The following RPTOR variants were observed in gnomAD, a reference collection of about 807,000 sequenced individuals.
RPTOR encodes the protein regulatory-associated protein of mTOR.
A neutral mutation model predicts 169.9 loss-of-function variants in RPTOR; 21 were observed. The ratio of observed to expected loss-of-function variants is 0.12; its 90% confidence interval spans 0.09 to 0.18. The LOEUF (loss-of-function observed/expected upper bound fraction) is 0.18. Ranked by LOEUF, RPTOR falls within the 10% of genes least tolerant of loss-of-function variation. The pLI, the probability that RPTOR is intolerant of heterozygous loss-of-function variation, is 1.00. For synonymous variants in RPTOR, 732 were observed against 753.2 expected (o/e 0.97, Z 0.46); for missense variants, 1,133 against 1,855.9 (o/e 0.61, Z 7.16).
intron 10 of RPTOR, among the ~76,000 whole-genome samples, chr17:80,842,044 G>A (rs111492191): frequency 0.045 from 6,818 of 151,564 alleles, 174 homozygotes; most frequent in East Asian, 0.11. Flanking sequence ...CTCACCACAC[G>A]GCAGCTCACA....
chr17:80,850,488 G>A (rs377737913), intron 11 of RPTOR, among the ~76,000 whole-genome samples: 94 of 152,250 alleles, frequency 6.2e-4, no homozygotes, highest in African/African-American at 2.0e-3. Context: ...CACTGCAGCC[G>A]GAGCTCCGCC....
chr17:80,600,893 G>A (rs2065180562), intron 1 of RPTOR, among the ~76,000 whole-genome samples: 1 of 76,632 alleles, frequency 1.3e-5, no homozygotes, highest in African/African-American at 4.6e-5. Context: ...ACTGTGAAAC[G>A]CCTCCCAAGA....
At chr17:80,770,918 C>A (rs1441277194) in intron 6 of RPTOR, among the ~76,000 whole-genome samples, 1 of 152,224 alleles carries the variant, frequency 6.6e-6, no homozygotes, top group African/African-American at 2.4e-5. Context: ...GCGCTGCTGT[C>A]ACCACTCAGC....
chr17:80,844,256 G>A lies in RPTOR; in HGVS notation c.1213-2217G>A, dbSNP rs115734873. Among the ~76,000 whole-genome samples the A allele has an allele frequency of 2.2e-3, 330 of 152,284 alleles. 3 individuals are homozygous for A. The highest frequency in any genetic ancestry group is 7.5e-3 in the African/African-American group (312 of 41,560). On this transcript the variant is annotated intron_variant, in intron 10 of 33. Coordinates refer to ENST00000306801, the MANE Select transcript of RPTOR (RefSeq NM_020761.3). This position sits in a 1 kb window ranked among gnomAD's most constrained non-coding sequence, Gnocchi z 4.7. Reference sequence around the variant, plus strand: ...TTTAGGGAGCTTCACGGGCTTCACCGCGCACCTGCCAGGCAAAGGTGTGCT... The same window carrying A: ...TTTAGGGAGCTTCACGGGCTTCACCACGCACCTGCCAGGCAAAGGTGTGCT...
At chr17:80,839,743 T>A (rs1418710910) in intron 10 of RPTOR, among the ~76,000 whole-genome samples, 1 of 152,264 alleles carries the variant, frequency 6.6e-6, no homozygotes, top group African/African-American at 2.4e-5. Flanking sequence ...TTCTGTACTC[T>A]GAGCGTGGCT....
chr17:80,780,306 C>T (rs1176508044), intron 6 of RPTOR, among the ~76,000 whole-genome samples: 2 of 152,010 alleles, frequency 1.3e-5, no homozygotes, highest in African/African-American at 4.8e-5. Flanking sequence ...TGGAGAAGAG[C>T]GGAAAGGGAG....
At chr17:80,660,362 AG>A (rs1319325442) in intron 3 of RPTOR, among the ~76,000 whole-genome samples, 1 of 152,176 alleles carries the variant, frequency 6.6e-6, no homozygotes, top group African/African-American at 2.4e-5. Context: ...AAAATTCCAA[AG>A]AGAAAGTGTT....
intron 3 of RPTOR, among the ~76,000 whole-genome samples, chr17:80,655,660 G>A (rs1341788010): frequency 6.7e-6 from 1 of 150,040 alleles, no homozygotes; most frequent in East Asian, 2.0e-4. Flanking sequence ...CATTAACCTC[G>A]AATTCCTGGG....
chr17:80,874,458 G>A (rs1179527097), intron 13 of RPTOR, among the ~76,000 whole-genome samples: 1 of 152,120 alleles, frequency 6.6e-6, no homozygotes, highest in Admixed American at 6.5e-5. Context: ...GCCTCCCAAA[G>A]TGCTGGGATT....
intron 2 of RPTOR, among the ~76,000 whole-genome samples, chr17:80,626,047 T>A (rs8078454): frequency 0.31 from 46,583 of 152,014 alleles, 7,285 homozygotes; most frequent in Middle Eastern, 0.37. Context: ...TACTTTATTT[T>A]TTTATTTATT....
chr17:80,921,391 G>A (rs1273130544), intron 21 of RPTOR, among the ~76,000 whole-genome samples: 1 of 152,156 alleles, frequency 6.6e-6, no homozygotes, highest in African/African-American at 2.4e-5. Flanking sequence ...ACAGCCTCTG[G>A]AGTCCAGAAC....
intron 1 of RPTOR, among the ~76,000 whole-genome samples, chr17:80,572,414 T>A (rs57493288): frequency 0.71 from 108,174 of 151,712 alleles, 38,726 homozygotes; most frequent in Admixed American, 0.76. Context: ...TTCTTTTTTT[T>A]AAAAAAATGC....
intron 3 of RPTOR, among the ~76,000 whole-genome samples, chr17:80,693,209 C>T (rs1409569397): frequency 2.0e-5 from 3 of 152,150 alleles, no homozygotes; most frequent in Non-Finnish European, 4.4e-5. Flanking sequence ...ATGTGCTGTG[C>T]GGACAGTCAC....
chr17:80,603,715 G>C (rs1272155596), intron 1 of RPTOR, among the ~76,000 whole-genome samples: 4 of 152,178 alleles, frequency 2.6e-5, no homozygotes, highest in African/African-American at 9.7e-5. Flanking sequence ...CCCCATGGAG[G>C]CTCACAGGAG....
chr17:80,564,453 A>T (rs1307650449), intron 1 of RPTOR, among the ~76,000 whole-genome samples: 1 of 151,938 alleles, frequency 6.6e-6, no homozygotes, highest in East Asian at 1.9e-4. Flanking sequence ...ATACCGCCAC[A>T]CCCTTCTTAT....
chr17:80,574,462 G>A (rs1341117153), intron 1 of RPTOR, among the ~76,000 whole-genome samples: 3 of 151,928 alleles, frequency 2.0e-5, no homozygotes, highest in East Asian at 1.9e-4. Context: ...CACCGCGCCC[G>A]GCCGGTTTTT....
At chr17:80,900,473 C>T (rs2143904957) in intron 20 of RPTOR, among the ~76,000 whole-genome samples, 1 of 152,338 alleles carries the variant, frequency 6.6e-6, no homozygotes, top group East Asian at 1.9e-4. Flanking sequence ...CATGCCACCA[C>T]ACCTGGCTAA....
rs11655435 is a variant in RPTOR, at chr17:80,695,643, G to A, written c.349-12198G>A. 6.6e-6 allele frequency among the ~76,000 whole-genome samples: 1 copy of A among 152,116 alleles called. No individual in the cohort carries two copies. The highest frequency in any genetic ancestry group is 2.4e-5 in the African/African-American group (1 of 41,418). ...ACCTTGGGCTTCCTAGTCTCTGCAC[G>A]TTACCCCGAATTCCAGAATAATCGT... On this transcript the variant is annotated intron_variant, in intron 3 of 33. Coordinates refer to ENST00000306801, the MANE Select transcript of RPTOR (RefSeq NM_020761.3). The surrounding 1 kb of genome is among the most constrained non-coding windows in gnomAD (Gnocchi z 4.9).
intron 3 of RPTOR, among the ~76,000 whole-genome samples, chr17:80,672,437 A>G (rs1271807377): frequency 3.3e-5 from 5 of 149,654 alleles, no homozygotes; most frequent in African/African-American, 7.4e-5. Flanking sequence ...GCCATTGCAT[A>G]TATGAGGGGA....
Sources: gnomAD v4.1 joint callset for allele counts (sites outside exome capture counted in the v4.1 genomes callset) on GRCh38, gnomAD v4.1.1 for gene constraint, Gnocchi (gnomAD v3.1) non-coding constraint, MANE v1.5 for transcripts, NCBI Gene and HGNC (gene_info 2026-07-23, HGNC 2026-07-21) for gene names.